The following ADGRL2 variants were observed in gnomAD, a reference collection of about 807,000 sequenced individuals.
The protein encoded by ADGRL2 is calcium-independent alpha-latrotoxin receptor 2.
Under a neutral mutation model 157.4 loss-of-function variants are expected in ADGRL2, and 44 were observed. The ratio of observed to expected loss-of-function variants is 0.28; its 90% confidence interval spans 0.22 to 0.36. The LOEUF (loss-of-function observed/expected upper bound fraction) is 0.36, where lower values mean the gene tolerates loss of function less well. Among genes scored for constraint, ADGRL2 ranks in the 10% least tolerant of loss-of-function variants. The pLI, the probability that ADGRL2 is intolerant of heterozygous loss-of-function variation, is 1.00. For synonymous variants in ADGRL2, 585 were observed against 624.7 expected, an observed-to-expected ratio of 0.94 and a Z score of 0.95; for missense variants, 1,510 against 1,768.9, an observed-to-expected ratio of 0.85 and a Z score of 2.63.
intron 2 of ADGRL2, among the ~76,000 whole-genome samples, chr1:81,521,351 T>C (rs1254844638): frequency 6.6e-6 from 1 of 152,182 alleles, no homozygotes; most frequent in Non-Finnish European, 1.5e-5. Flanking sequence ...TTTTAATATG[T>C]TAAACAGGAT....
rs578237315 is a variant in ADGRL2 at position 81,783,811 on chromosome 1, TA to T, written c.-101+21963del. On this transcript the variant is annotated intron_variant, in intron 2 of 20. Coordinates refer to the ADGRL2 transcript ENST00000359929. Reference sequence around the variant, plus strand: ...TTTAGGTATTTATATAACAGCATTATAAAAGTTGTCAACTGTTTCAGGCTAT... The same window carrying T: ...TTTAGGTATTTATATAACAGCATTATAAAGTTGTCAACTGTTTCAGGCTAT... 1.7e-4 allele frequency among the ~76,000 whole-genome samples: 26 copies of T among 152,316 alleles called. No homozygotes were observed. In the South Asian group the frequency reaches 4.1e-3, roughly 24 times the overall value.
At chr1:81,415,459 C>T (rs2077016423) in intron 1 of ADGRL2, among the ~76,000 whole-genome samples, 1 of 151,942 alleles carries the variant, frequency 6.6e-6, no homozygotes, top group African/African-American at 2.4e-5. Flanking sequence ...TGTAGACACA[C>T]CCAGTTTAAT....
intron 2 of ADGRL2, among the ~76,000 whole-genome samples, chr1:81,479,943 G>A (rs1252835623): frequency 6.6e-6 from 1 of 152,092 alleles, no homozygotes; most frequent in African/African-American, 2.4e-5. Context: ...AGTTGCAACC[G>A]AAGTTTTATG....
intron 1 of ADGRL2, among the ~76,000 whole-genome samples, chr1:81,756,613 C>A (rs2085699240): frequency 6.6e-6 from 1 of 152,000 alleles, no homozygotes; most frequent in Admixed American, 6.6e-5. Flanking sequence ...ATATTAAAAC[C>A]TTTTGTAGTT....
intron 3 of ADGRL2, among the ~76,000 whole-genome samples, chr1:81,616,123 A>G (rs1399454079): frequency 3.4e-5 from 5 of 147,898 alleles, no homozygotes; most frequent in Non-Finnish European, 5.9e-5. Flanking sequence ...CATCCCTACT[A>G]GTATTTGGAG....
intron 1 of ADGRL2, among the ~76,000 whole-genome samples, chr1:81,702,377 TA>T (rs2083600421): frequency 6.6e-6 from 1 of 152,260 alleles, no homozygotes; most frequent in East Asian, 1.9e-4. Context: ...AAGGTGACAA[TA>T]AAAACACTCA....
chr1:81,720,559 A>G lies in ADGRL2; in HGVS notation c.-143+20751A>G, dbSNP rs111506638. 3.7e-3 allele frequency among the ~76,000 whole-genome samples: 560 copies of G among 152,236 alleles called. 6 individuals are homozygous for G. The highest frequency in any genetic ancestry group is 0.012 in the African/African-American group (517 of 41,536). ...TTTAAACTGTTTCTTCTGACCATCAAACTAGTTCACAGGAGGTACAAAACT... is the reference window on the plus strand; with the variant it reads ...TTTAAACTGTTTCTTCTGACCATCAGACTAGTTCACAGGAGGTACAAAACT... On this transcript the variant is annotated intron_variant, in intron 1 of 20. Transcript: ENST00000359929.
chr1:81,781,286 A>G (rs368466561), intron 2 of ADGRL2, among the ~76,000 whole-genome samples: 1 of 152,152 alleles, frequency 6.6e-6, no homozygotes, highest in African/African-American at 2.4e-5. Context: ...TTAAGACTAC[A>G]ACATTGAGCT....
intron 1 of ADGRL2, chr1:81,723,104 G>T: frequency 2.9e-6 from 2 of 688,182 alleles, no homozygotes; most frequent in Non-Finnish European, 2.6e-6. Flanking sequence ...CTTGCTGAAG[G>T]AAAAGCAACC....
intron 11 of ADGRL2, among the ~76,000 whole-genome samples, chr1:81,956,780 C>T (rs910558555): frequency 3.3e-5 from 5 of 152,104 alleles, no homozygotes; most frequent in African/African-American, 1.2e-4. Flanking sequence ...AAAAAGCTTC[C>T]CAAGCATACA....
intron 1 of ADGRL2, among the ~76,000 whole-genome samples, chr1:81,805,987 A>G (rs528166940): frequency 2.1e-4 from 32 of 152,190 alleles, no homozygotes; most frequent in Non-Finnish European, 4.0e-4. Context: ...AAATTGGACT[A>G]CTTAGGGAAA....
intron 1 of ADGRL2, among the ~76,000 whole-genome samples, chr1:81,402,311 T>C (rs1054185707): frequency 6.6e-6 from 1 of 152,166 alleles, no homozygotes; most frequent in African/African-American, 2.4e-5. Context: ...CTCCCTAGTA[T>C]GTTATTTCAC....
At chr1:81,523,601 A>C (rs963235585) in intron 2 of ADGRL2, among the ~76,000 whole-genome samples, 1 of 152,206 alleles carries the variant, frequency 6.6e-6, no homozygotes. Flanking sequence ...GGTTGATCTC[A>C]CTCATAATCT....
At chr1:81,900,537 A>G (rs199937893) in intron 2 of ADGRL2, among the ~76,000 whole-genome samples, 321 of 8,406 alleles carry the variant, frequency 0.038, no homozygotes, top group Non-Finnish European at 0.026. Context: ...ACTGTAGGGA[A>G]AAAAAAAAAT....
intron 2 of ADGRL2, among the ~76,000 whole-genome samples, chr1:81,770,627 T>C (rs12126140): frequency 0.45 from 68,217 of 151,712 alleles, 15,913 homozygotes; most frequent in East Asian, 0.89. Context: ...GCATGCACCA[T>C]CACGCCCAGC....
intron 1 of ADGRL2, among the ~76,000 whole-genome samples, chr1:81,434,646 G>A (rs1051535316): frequency 5.9e-5 from 9 of 152,110 alleles, no homozygotes; most frequent in East Asian, 3.9e-4. Flanking sequence ...TTACAAACAG[G>A]GAGGTTGACA....
rs1211741165 is a variant in ADGRL2 at position 81,323,675 on chromosome 1, G to GA, written c.-302+17172dup. Among the ~76,000 whole-genome samples, 3 of 152,122 alleles carry GA rather than the reference G, an allele frequency of 2.0e-5. No homozygotes were observed. The East Asian group carries it at 5.8e-4, about 29-fold the overall frequency. On this transcript the variant is annotated intron_variant, in intron 1 of 24. Coordinates refer to the ADGRL2 transcript ENST00000370721. ...AGTGATAAAGAGGAAAAGCTACAAT[G>GA]AAAAAATAAATAAGCTGATCAGATT... is the stretch of plus-strand genomic sequence containing the variant.
chr1:81,422,447 G>T (rs1193156114), intron 1 of ADGRL2, among the ~76,000 whole-genome samples: 1 of 152,178 alleles, frequency 6.6e-6, no homozygotes, highest in Admixed American at 6.5e-5. Flanking sequence ...GTTTCACCAT[G>T]TTGGGCAGGC....
chr1:81,667,219 G>A (rs1395044231), intron 3 of ADGRL2, among the ~76,000 whole-genome samples: 2 of 152,200 alleles, frequency 1.3e-5, no homozygotes, highest in Non-Finnish European at 2.9e-5. Context: ...TTAGGTGGAT[G>A]TTGTTGGGGA....
Sources: allele counts gnomAD v4.1 joint callset (sites outside exome capture counted in the v4.1 genomes callset), GRCh38; gene constraint gnomAD v4.1.1; transcripts MANE v1.5; gene names NCBI Gene and HGNC (gene_info 2026-07-23, HGNC 2026-07-21).